Variants in KDM7A observed in about 807,000 individuals in gnomAD.
The protein encoded by KDM7A is lysine demethylase 7A.
In KDM7A, 28 loss-of-function variants were observed where a neutral mutation model predicts 114.8. The ratio of observed to expected loss-of-function variants is 0.24; its 90% CI spans 0.18 to 0.33. KDM7A has a LOEUF of 0.33. Among genes scored for constraint, KDM7A ranks in the 10% least tolerant of loss-of-function variants. The probability of loss-of-function intolerance (pLI) is 1.00; values close to 1 mark genes in which losing one functional copy is unlikely to be tolerated. For missense variants in KDM7A, 942 were observed against 1,142.5 expected, an observed-to-expected ratio of 0.82 and a Z score of 2.53; for synonymous variants, 423 against 397.8, an observed-to-expected ratio of 1.06 and a Z score of -0.75.
intron 17 of KDM7A, among the ~76,000 whole-genome samples, chr7:140,094,532 T>C (rs1346628009): frequency 6.6e-6 from 1 of 151,922 alleles, no homozygotes; most frequent in East Asian, 1.9e-4. Flanking sequence ...GCAAGCAAAT[T>C]TATGTTGACA....
At chr7:140,111,996 G>A (rs937171786) in intron 10 of KDM7A, among the ~76,000 whole-genome samples, 1 of 151,140 alleles carries the variant, frequency 6.6e-6, no homozygotes, top group African/African-American at 2.4e-5. Flanking sequence ...ACAAATTTGA[G>A]AATCACACAT....
At chr7:140,118,749 A>G (rs71543355) in intron 9 of KDM7A, among the ~76,000 whole-genome samples, 52,444 of 151,862 alleles carry the variant, frequency 0.35, 9,292 homozygotes, top group Middle Eastern at 0.43. Context: ...TTTTGGGAAC[A>G]TATAATAGGT....
At chr7:140,099,755 C>A (rs1818172470) in intron 13 of KDM7A, 144 bp downstream of exon 13, 2 of 690,442 alleles carry the variant, frequency 2.9e-6, no homozygotes, top group Non-Finnish European at 5.1e-6. Flanking sequence ...CAGTTTAATC[C>A]CAAAACCATT....
chr7:140,099,425 G>A (rs534380252), intron 13 of KDM7A, among the ~76,000 whole-genome samples: 2 of 152,082 alleles, frequency 1.3e-5, no homozygotes, highest in Admixed American at 1.3e-4. Context: ...TTAAACTCCT[G>A]GTCTCAAGAG....
rs1241903426 is a variant in KDM7A at position 140,115,813 on chromosome 7, T to A, written c.1247-2231A>T. On this transcript the variant is annotated intron_variant, in intron 9 of 19. Transcript: ENST00000397560. ...AATAAAAAAATAAATTTAAAAAAAA[T>A]AAATAAATAAAAAAAAATAAAACAT... Among the ~76,000 whole-genome samples, 134 of 82,830 alleles carry A rather than the reference T, an allele frequency of 1.6e-3. 2 individuals are homozygous for A. Among genetic ancestry groups the A allele is most frequent in the Middle Eastern group, 6.3e-3 (1 of 158 alleles). The allele number at this position is 82,830 out of a possible 152,430, so 54.3% of individuals were successfully genotyped here. A position where few individuals can be genotyped will look rare whatever the true frequency, so the allele number is the denominator to read the frequency against.
chr7:140,120,375 A>G (rs1301395022), intron 8 of KDM7A, 67 bp downstream of exon 8: 14 of 893,068 alleles, frequency 1.6e-5, no homozygotes, highest in Non-Finnish European at 2.4e-5. Context: ...ATTTTTTTTA[A>G]GTTAAAAAAA....
At chr7:140,133,689 T>C in intron 2 of KDM7A, 33 bp from the exon 3 acceptor site, 1 of 1,207,770 alleles carries the variant, frequency 8.3e-7, no homozygotes, top group Non-Finnish European at 1.2e-6. Context: ...AAAAATGATT[T>C]TGGTAACTGG....
chr7:140,124,654 C>A lies in KDM7A; in HGVS notation c.1018G>T (p.Val340Leu). Residue 340 changes from valine (V) to leucine (L), a missense_variant, in exon 7 of 20, where the codon GTA becomes TTA. This residue lies in a region of KDM7A where 318 missense variants were observed against 453.1 expected (regional missense o/e 0.70). Coordinates refer to ENST00000397560, the MANE Select transcript of KDM7A (RefSeq NM_030647.2). The stretch of plus-strand genomic sequence containing the variant: ...ACAAATAAGGTATGTCCCTGCTTTA[C>A]CACACATTTGTAGCATTTATCCACC... Reference protein sequence around the residue: ...DKVDKCYKCVVKQGHTLFVPT... With the variant: ...DKVDKCYKCVLKQGHTLFVPT... 3 of 1,613,246 alleles carry A rather than the reference C, an allele frequency of 1.9e-6. No individual in the cohort carries two copies. The highest frequency in any genetic ancestry group is 1.7e-6 in the Non-Finnish European group (2 of 1,179,674).
In KDM7A at chr7:140,097,622, A is replaced by G. The variant is rs1486403454; in HGVS notation, c.1939T>C (p.Ser647Pro). ...CCTGATGATCTACTCCTGAGTTCTGATTTCACACGTGTAAAAAACCCTGAA... is the reference window on the plus strand; with the variant it reads ...CCTGATGATCTACTCCTGAGTTCTGGTTTCACACGTGTAAAAAACCCTGAA... ...PLNGFFTRVK[S>P]ELRSRSSGYS... The change falls in exon 15 of 20, where the codon TCA (serine) becomes CCA (proline). Residue 647 changes from serine to proline, a missense_variant. By Grantham distance (74) the Ser-to-Pro change is moderately conservative. Coordinates refer to ENST00000397560, the MANE Select transcript of KDM7A (RefSeq NM_030647.2). The G allele has an allele frequency of 1.9e-6, 3 of 1,599,652 alleles. No individual in the cohort carries two copies. The highest frequency in any genetic ancestry group is 1.1e-5 in the South Asian group (1 of 90,734).
chr7:140,146,405 C>T (rs974423307), intron 1 of KDM7A, among the ~76,000 whole-genome samples: 1 of 152,074 alleles, frequency 6.6e-6, no homozygotes, highest in African/African-American at 2.4e-5. Context: ...TCACTGCCTC[C>T]CTACTAAAAA....
At position 140,087,167 on chromosome 7, in the gene KDM7A, C is replaced by G. The variant is rs192643386; in HGVS notation, c.*3927G>C. The G allele has an allele frequency of 3.7e-4, 56 of 152,284 alleles. No homozygotes were observed. Among genetic ancestry groups the G allele is most frequent in the African/African-American group, 1.3e-3 (56 of 41,558 alleles). The allele number at this position is 152,284 out of a possible 1,614,324, so 9.4% of individuals were successfully genotyped here. A position where few individuals can be genotyped will look rare whatever the true frequency, so the allele number is the denominator to read the frequency against. The stretch of plus-strand genomic sequence containing the variant: ...ACCTTTCTAACCACCTCATTCTCCC[C>G]ACAAGTTCCCTGGGGAGTTGCTAAG... On this transcript the variant is annotated 3_prime_UTR_variant, in exon 20 of 20. Transcript: ENST00000397560.
intron 1 of KDM7A, among the ~76,000 whole-genome samples, chr7:140,156,529 G>C (rs1794459639): frequency 6.6e-6 from 1 of 152,240 alleles, no homozygotes; most frequent in African/African-American, 2.4e-5. Flanking sequence ...GCACTGGTAA[G>C]TGAATGGAAA....
intron 9 of KDM7A, among the ~76,000 whole-genome samples, chr7:140,117,961 G>T (rs569031767): frequency 6.6e-6 from 1 of 152,134 alleles, no homozygotes; most frequent in African/African-American, 2.4e-5. Context: ...TGAGGTGGGG[G>T]GTTTAGGGTA....
chr7:140,138,120 C>A (rs1818898807), intron 2 of KDM7A, among the ~76,000 whole-genome samples: 1 of 151,956 alleles, frequency 6.6e-6, no homozygotes, highest in African/African-American at 2.4e-5. Flanking sequence ...CCAGCCTGGG[C>A]AACAAAGTGA....
intron 1 of KDM7A, among the ~76,000 whole-genome samples, chr7:140,151,242 C>T (rs1171941792): frequency 2.0e-5 from 3 of 152,178 alleles, no homozygotes; most frequent in Admixed American, 6.5e-5. Flanking sequence ...ATGGCTAGTG[C>T]GACACCAAAT....
At chr7:140,122,646 C>T (rs949315064) in intron 7 of KDM7A, among the ~76,000 whole-genome samples, 4 of 152,198 alleles carry the variant, frequency 2.6e-5, no homozygotes, top group Non-Finnish European at 5.9e-5. Context: ...ACACAGTTCT[C>T]GAAACCACTG....
At chr7:140,168,457 A>C (rs1444488820) in intron 1 of KDM7A, among the ~76,000 whole-genome samples, 2 of 151,954 alleles carry the variant, frequency 1.3e-5, no homozygotes, top group Non-Finnish European at 2.9e-5. Flanking sequence ...AATCCCAGCT[A>C]CTCAGGAGGC....
chr7:140,173,353 T>C (rs928743768), intron 1 of KDM7A, among the ~76,000 whole-genome samples: 6 of 152,140 alleles, frequency 3.9e-5, no homozygotes, highest in Admixed American at 3.9e-4. Context: ...GGTATGCAGC[T>C]AAAGTTTGAC....
At chr7:140,111,285 C>CA (rs1818426891) in intron 10 of KDM7A, 101 bp from the exon 11 acceptor site, 4 of 672,234 alleles carry the variant, frequency 6.0e-6, no homozygotes, top group Non-Finnish European at 1.0e-5. Flanking sequence ...TAAACTGTTA[C>CA]AGACATCGCC....
Sources: gnomAD v4.1 joint callset for allele counts (sites outside exome capture counted in the v4.1 genomes callset) on GRCh38, gnomAD v4.1.1 for gene constraint, gnomAD v4.1.1 regional missense constraint, MANE v1.5 for transcripts, NCBI Gene and HGNC (gene_info 2026-07-23, HGNC 2026-07-21) for gene names.